Variants in CAMTA1 observed in about 807,000 individuals in gnomAD.
The protein encoded by CAMTA1 is calmodulin binding transcription activator 1.
CAMTA1 carries 27 observed loss-of-function variants against 170.9 expected under a neutral mutation model. The observed-to-expected ratio is 0.16, with a 90% CI of 0.12 to 0.22. The LOEUF (loss-of-function observed/expected upper bound fraction) is 0.22, where lower values mean the gene tolerates loss of function less well. Among genes scored for constraint, CAMTA1 ranks in the 10% least tolerant of loss-of-function variants. The pLI is 1.00. For synonymous variants in CAMTA1, 833 were observed against 891.5 expected, an observed-to-expected ratio of 0.93 and a Z score of 1.17; for missense variants, 1,619 against 2,217.2, an observed-to-expected ratio of 0.73 and a Z score of 5.42.
chr1:7,232,453 A>C (rs573742733), intron 4 of CAMTA1, among the ~76,000 whole-genome samples: 41 of 152,270 alleles, frequency 2.7e-4, no homozygotes, highest in Non-Finnish European at 5.1e-4. Flanking sequence ...GTTCCTAGAC[A>C]AAACAATTCT....
At chr1:7,753,808 T>C (rs536554751) in intron 21 of CAMTA1, among the ~76,000 whole-genome samples, 1 of 152,306 alleles carries the variant, frequency 6.6e-6, no homozygotes, top group Admixed American at 6.5e-5. Context: ...ACATTTACTT[T>C]CCACCATGCA....
intron 3 of CAMTA1, among the ~76,000 whole-genome samples, chr1:6,937,637 C>T (rs1294007505): frequency 6.6e-6 from 1 of 151,410 alleles, no homozygotes; most frequent in African/African-American, 2.4e-5. Flanking sequence ...CCATTCACCA[C>T]TTACCACCAC....
chr1:7,165,885 A>G lies in CAMTA1; in HGVS notation c.302+74514A>G, dbSNP rs76573531. Among the ~76,000 whole-genome samples the G allele has an allele frequency of 8.1e-3, 1,230 of 152,304 alleles. 14 individuals carry two copies. The highest frequency in any genetic ancestry group is 0.028 in the African/African-American group (1,145 of 41,552). On this transcript the variant is annotated intron_variant, in intron 4 of 22. Coordinates refer to ENST00000303635, the MANE Select transcript of CAMTA1 (RefSeq NM_015215.4). ...GTTCTTAAGTGTTAGATCCTTACAGAGAGATGATAGAGAGAGATAGGGGTG... is the reference window on the plus strand; with the variant it reads ...GTTCTTAAGTGTTAGATCCTTACAGGGAGATGATAGAGAGAGATAGGGGTG...
At chr1:6,896,086 T>C (rs1328061324) in intron 3 of CAMTA1, among the ~76,000 whole-genome samples, 2 of 152,188 alleles carry the variant, frequency 1.3e-5, no homozygotes, top group Non-Finnish European at 2.9e-5. Flanking sequence ...TGGAACTAGC[T>C]GCCTAGAAGC....
intron 3 of CAMTA1, among the ~76,000 whole-genome samples, chr1:6,854,547 A>G (rs1285567150): frequency 3.9e-4 from 59 of 152,252 alleles, no homozygotes; most frequent in Admixed American, 3.9e-3. Flanking sequence ...ATGGAATATA[A>G]TGAAATATGA....
intron 3 of CAMTA1, among the ~76,000 whole-genome samples, chr1:6,844,999 G>C (rs1193812225): frequency 6.6e-6 from 1 of 152,132 alleles, no homozygotes; most frequent in Non-Finnish European, 1.5e-5. Flanking sequence ...GTGGGGAAAA[G>C]CTGGAAAAAT....
intron 3 of CAMTA1, among the ~76,000 whole-genome samples, chr1:7,089,602 G>A (rs1308562725): frequency 7.9e-6 from 1 of 126,264 alleles, no homozygotes; most frequent in East Asian, 2.5e-4. Context: ...CCGGCCATCT[G>A]TCTAACAAAC....
intron 1 of CAMTA1, among the ~76,000 whole-genome samples, chr1:6,786,230 G>T (rs1639295261): frequency 6.6e-6 from 1 of 151,942 alleles, no homozygotes; most frequent in Non-Finnish European, 1.5e-5. Context: ...TCGGCCGAAG[G>T]GCCTCGTGTG....
chr1:6,884,159 TCTCA>T (rs1672439229), intron 3 of CAMTA1, among the ~76,000 whole-genome samples: 1 of 124,344 alleles, frequency 8.0e-6, no homozygotes, highest in African/African-American at 3.0e-5. Context: ...TAAAACCATT[TCTCA>T]CTCCTTCTGA....
rs570900317 is a variant in CAMTA1 at position 6,985,210 on chromosome 1, G to C, written c.235-106094G>C. ...CCAGGCCAGGCTGGCTGTAGGAAGA[G>C]AACTGCAGCTGTAGCTACGGGGGCC... On this transcript the variant is annotated intron_variant, in intron 3 of 22. Coordinates refer to ENST00000303635, the MANE Select transcript of CAMTA1 (RefSeq NM_015215.4). Among the ~76,000 whole-genome samples the C allele has an allele frequency of 3.9e-5, 6 of 152,330 alleles. No homozygotes were observed. In the East Asian group the frequency reaches 9.7e-4, roughly 25 times the overall value.
chr1:7,663,252 G>C, intron 8 of CAMTA1, 101 bp from the exon 9 acceptor site: 1 of 1,440,486 alleles, frequency 6.9e-7, no homozygotes, highest in South Asian at 1.6e-5. Flanking sequence ...TGTGGGGCAG[G>C]TCCACCACGG....
chr1:7,043,696 C>T (rs941616360), intron 3 of CAMTA1, among the ~76,000 whole-genome samples: 1 of 152,096 alleles, frequency 6.6e-6, no homozygotes, highest in Admixed American at 6.5e-5. Flanking sequence ...GCAGTGGCTC[C>T]TGAAGGTTGG....
chr1:7,687,993 G>A (rs929569949), intron 11 of CAMTA1, among the ~76,000 whole-genome samples: 1 of 129,776 alleles, frequency 7.7e-6, no homozygotes, highest in Non-Finnish European at 1.7e-5. Context: ...AATCGATTAC[G>A]TCGGACTCTC....
In CAMTA1 at chr1:6,861,271, A is replaced by G. The variant is rs76894541; in HGVS notation, c.234+36061A>G. ...GCGCCTGGCCATGGAGTGTGACTTT[A>G]CAGTAGAGATTCATTTGTCTAACAT... On this transcript the variant is annotated intron_variant, in intron 3 of 22. Transcript: ENST00000303635. Among the ~76,000 whole-genome samples, 335 of 152,242 alleles carry G rather than the reference A, an allele frequency of 2.2e-3. 21 individuals carry two copies. The East Asian group carries it at 0.061, about 28-fold the overall frequency.
intron 6 of CAMTA1, among the ~76,000 whole-genome samples, chr1:7,593,714 C>T (rs2150503272): frequency 6.7e-6 from 1 of 149,860 alleles, no homozygotes. Flanking sequence ...TAGTCTCGAA[C>T]TCCTGACCTC....
At chr1:7,312,925 T>C (rs1002067117) in intron 5 of CAMTA1, among the ~76,000 whole-genome samples, 11 of 152,234 alleles carry the variant, frequency 7.2e-5, no homozygotes, top group Non-Finnish European at 1.6e-4. Flanking sequence ...GGTCAACTAT[T>C]TTTAATGGCT....
chr1:7,739,880 T>C (rs2096798702), intron 16 of CAMTA1, among the ~76,000 whole-genome samples: 1 of 151,912 alleles, frequency 6.6e-6, no homozygotes, highest in African/African-American at 2.4e-5. Context: ...CACATGGGAA[T>C]TATGGGAGCT....
At chr1:7,275,146 C>CAAAAAAAA (rs1340599304) in intron 5 of CAMTA1, among the ~76,000 whole-genome samples, 12 of 83,502 alleles carry the variant, frequency 1.4e-4, no homozygotes, top group South Asian at 4.8e-4. Flanking sequence ...GATTCCATCT[C>CAAAAAAAA]AAAAAAAAAA....
At chr1:7,718,555 T>G (rs1230441718) in intron 11 of CAMTA1, among the ~76,000 whole-genome samples, 1 of 94,214 alleles carries the variant, frequency 1.1e-5, no homozygotes, top group Non-Finnish European at 2.3e-5. Context: ...ATTACAGCAC[T>G]TTTTTTTTTT....
Sources: gnomAD v4.1 joint callset for allele counts (sites outside exome capture counted in the v4.1 genomes callset) on GRCh38, gnomAD v4.1.1 for gene constraint, MANE v1.5 for transcripts, NCBI Gene and HGNC (gene_info 2026-07-23, HGNC 2026-07-21) for gene names.